Variants in FILIP1 observed in about 807,000 individuals in gnomAD.
FILIP1 encodes filamin A interacting protein 1.
FILIP1 carries 61 observed loss-of-function variants against 102.1 expected under a neutral mutation model. The observed-to-expected ratio is 0.60, with a 90% CI of 0.49 to 0.74. The LOEUF is 0.74. Ranked by LOEUF, FILIP1 falls within the 30% of genes least tolerant of loss-of-function variation. The pLI is 0.00. For missense variants in FILIP1, 1,314 were observed against 1,441.2 expected (o/e 0.91, Z 1.43); for synonymous variants, 491 against 526.9 (o/e 0.93, Z 0.93).
intron 2 of FILIP1, among the ~76,000 whole-genome samples, chr6:75,381,299 G>A (rs917206713): frequency 6.6e-6 from 1 of 151,360 alleles, no homozygotes; most frequent in Non-Finnish European, 1.5e-5. Flanking sequence ...GCTTGATCTC[G>A]GCTCACTGCA....
chr6:75,352,348 T>G (rs117939102), intron 4 of FILIP1, among the ~76,000 whole-genome samples: 3 of 152,254 alleles, frequency 2.0e-5, no homozygotes, highest in Non-Finnish European at 4.4e-5. Flanking sequence ...ATCACTGGTT[T>G]CAAAGTCTGT....
At chr6:75,316,494 GT>G (rs572013199) in intron 4 of FILIP1, among the ~76,000 whole-genome samples, 4,194 of 147,774 alleles carry the variant, frequency 0.028, 170 homozygotes, top group African/African-American at 0.089. Context: ...ATATTTGTGT[GT>G]TTTTTTTTTA....
chr6:75,375,954 A>C (rs1775738102), intron 2 of FILIP1, among the ~76,000 whole-genome samples: 1 of 152,356 alleles, frequency 6.6e-6, no homozygotes, highest in Non-Finnish European at 1.5e-5. Flanking sequence ...TTACAAAAAA[A>C]TCAGAGTTAG....
intron 3 of FILIP1, 86 bp from the exon 4 acceptor site, chr6:75,353,803 C>G: frequency 7.5e-7 from 1 of 1,341,550 alleles, no homozygotes; most frequent in Non-Finnish European, 1.0e-6. Context: ...GGTCTAGTGA[C>G]TTATTACCTG....
At chr6:75,299,607 A>G (rs535374076) in intron 6 of FILIP1, among the ~76,000 whole-genome samples, 2 of 152,192 alleles carry the variant, frequency 1.3e-5, no homozygotes, top group Non-Finnish European at 2.9e-5. Flanking sequence ...ATCAAAGTGT[A>G]CTTAGAGACA....
At chr6:75,331,583 A>T (rs560268941) in intron 4 of FILIP1, among the ~76,000 whole-genome samples, 1 of 152,170 alleles carries the variant, frequency 6.6e-6, no homozygotes, top group Admixed American at 6.5e-5. Flanking sequence ...GGATGGAGGA[A>T]GTAGTTGTTC....
intron 4 of FILIP1, among the ~76,000 whole-genome samples, chr6:75,351,635 G>C (rs996664875): frequency 1.3e-5 from 2 of 152,186 alleles, no homozygotes; most frequent in Non-Finnish European, 2.9e-5. Flanking sequence ...GTAACATGCT[G>C]TACAGTTTTG....
At chr6:75,454,915 A>C (rs541573698) in intron 1 of FILIP1, 1 of 152,330 alleles carries the variant, frequency 6.6e-6, no homozygotes, top group Non-Finnish European at 1.5e-5. Context: ...AGGGGAAAAA[A>C]AAGAAGAGCC....
chr6:75,417,209 A>T (rs548536450), intron 1 of FILIP1, among the ~76,000 whole-genome samples: 76 of 152,272 alleles, frequency 5.0e-4, no homozygotes, highest in Non-Finnish European at 9.4e-4. Context: ...GTCTTAACAA[A>T]TATTTTTCTT....
intron 4 of FILIP1, among the ~76,000 whole-genome samples, chr6:75,334,996 A>T (rs183519663): frequency 1.1e-3 from 161 of 152,302 alleles, no homozygotes; most frequent in African/African-American, 3.7e-3. Context: ...TGGGAGAGGG[A>T]TACATTTGGG....
chr6:75,300,162 T>C (rs543109329), intron 6 of FILIP1, among the ~76,000 whole-genome samples: 6 of 152,240 alleles, frequency 3.9e-5, no homozygotes, highest in African/African-American at 1.4e-4. Flanking sequence ...TAAGGCCACA[T>C]CACTTTAATA....
chr6:75,406,729 G>GGCTCACTGCAACCTCC (rs1374309486), intron 2 of FILIP1, among the ~76,000 whole-genome samples: 1 of 147,100 alleles, frequency 6.8e-6, no homozygotes, highest in African/African-American at 2.5e-5. Flanking sequence ...GCGCAACCTC[G>GGCTCACTGCAACCTCC]GCTCACTGCA....
intron 2 of FILIP1, among the ~76,000 whole-genome samples, chr6:75,393,770 T>G (rs896727268): frequency 2.6e-5 from 4 of 152,246 alleles, no homozygotes; most frequent in African/African-American, 4.8e-5. Flanking sequence ...ATTCTGCAAA[T>G]TACATTTCCC....
Position 75,313,274 on chromosome 6 carries a change from A to C in FILIP1, c.2558T>G (p.Leu853Arg). The C allele has an allele frequency of 6.2e-7, 1 of 1,614,208 alleles. No homozygotes were observed. Among genetic ancestry groups the C allele is most frequent in the Non-Finnish European group, 8.5e-7 (1 of 1,180,036 alleles). Residue 853 changes from leucine to arginine, a missense_variant, in exon 5 of 6, where the codon CTA becomes CGA. Leu to Arg is a moderately radical substitution (Grantham distance 102). Transcript: ENST00000237172. The surrounding 1 kb of genome is among the most constrained non-coding windows in gnomAD (Gnocchi z 4.2). ...LKKPVERSSV[L>R]DRYPPAANEL... ...ATTTGCTGCTGGAGGATACCTGTCT[A>C]GAACAGAAGATCTTTCCACGGGTTT...
chr6:75,432,838 C>A (rs1027364413), intron 1 of FILIP1, among the ~76,000 whole-genome samples: 1 of 152,092 alleles, frequency 6.6e-6, no homozygotes, highest in Non-Finnish European at 1.5e-5. Context: ...CCCCTCCCCC[C>A]ACTTCCCAAC....
intron 1 of FILIP1, among the ~76,000 whole-genome samples, chr6:75,448,497 T>G (rs1778512839): frequency 6.6e-6 from 1 of 152,026 alleles, no homozygotes; most frequent in Non-Finnish European, 1.5e-5. Flanking sequence ...CAAAGATAAA[T>G]AGATGGGACT....
chr6:75,319,017 G>T, intron 4 of FILIP1: 1 of 678,702 alleles, frequency 1.5e-6, no homozygotes, highest in East Asian at 3.3e-5. Context: ...AAAAAACTGT[G>T]CTAGAACCAA....
At chr6:75,460,893 A>G (rs1779002649) in intron 1 of FILIP1, among the ~76,000 whole-genome samples, 3 of 152,220 alleles carry the variant, frequency 2.0e-5, no homozygotes, top group Admixed American at 6.5e-5. Flanking sequence ...GAGATAAGAC[A>G]TGCTGATAAA....
chr6:75,314,080 T>C lies in FILIP1; in HGVS notation c.1752A>G (p.Glu584=). ...CACTGCAGCTTAATTCAGAGGATTT[T>C]TCTTCTTCACTTTTCAATTTGCCTA... The part of the protein sequence containing the change: ...ELIGKLKSEE[E]KSSELSCSVD... Residue 584 remains glutamate (E), a synonymous_variant, in exon 5 of 6, where the codon GAA becomes GAG. Transcript: ENST00000237172. The C allele has an allele frequency of 6.6e-7, 1 of 1,505,164 alleles. No individual in the cohort carries two copies. Among genetic ancestry groups the C allele is most frequent in the South Asian group, 1.4e-5 (1 of 70,568 alleles). The allele number at this position is 1,505,164 out of a possible 1,614,324, so 93.2% of individuals were successfully genotyped here. A position where few individuals can be genotyped will look rare whatever the true frequency, so the allele number is the denominator to read the frequency against.
Sources: allele counts gnomAD v4.1 joint callset (sites outside exome capture counted in the v4.1 genomes callset), GRCh38; gene constraint gnomAD v4.1.1; non-coding constraint Gnocchi (gnomAD v3.1); transcripts MANE v1.5; gene names NCBI Gene and HGNC (gene_info 2026-07-23, HGNC 2026-07-21).